Variants in S100A13 observed in about 807,000 individuals in gnomAD.
The protein encoded by S100A13 is protein S100-A13.
Under a neutral mutation model 8.2 loss-of-function variants are expected in S100A13, and 6 were observed. That is an observed-to-expected ratio of 0.73 (90% CI 0.40 to 1.44). S100A13 has a LOEUF of 1.44. Ranked by LOEUF, S100A13 falls within the 40% of genes most tolerant of loss-of-function variation. The pLI, the probability that S100A13 is intolerant of heterozygous loss-of-function variation, is 0.02. For synonymous variants in S100A13, 39 were observed against 45.9 expected, an observed-to-expected ratio of 0.85 and a Z score of 0.61; for missense variants, 114 against 113.6, an observed-to-expected ratio of 1.00 and a Z score of -0.02.
chr1:153,629,332 A>G (rs1342281973), upstream of S100A13: 1 of 152,176 alleles, frequency 6.6e-6, no homozygotes, highest in Non-Finnish European at 1.5e-5. Flanking sequence ...TGTCTCTGTG[A>G]CAACTGCTTC....
At chr1:153,631,234 C>A (rs1417189340), upstream of S100A13, 11 of 531,876 alleles carry the variant, frequency 2.1e-5, no homozygotes, top group Non-Finnish European at 3.7e-5. Context: ...AGTAAAGAAG[C>A]CTCAGGATAC....
chr1:153,621,947 A>G (rs1667285084), intron 2 of S100A13, among the ~76,000 whole-genome samples: 1 of 152,216 alleles, frequency 6.6e-6, no homozygotes, highest in African/African-American at 2.4e-5. Flanking sequence ...TCATTTTCAC[A>G]TCATAGATTA....
At chr1:153,631,214 A>G (rs1308188503), upstream of S100A13, 3 of 495,876 alleles carry the variant, frequency 6.0e-6, no homozygotes, top group East Asian at 3.4e-5. Context: ...AAGGCTAACC[A>G]GGGCCCCAAA....
At chr1:153,632,332 C>T, upstream of S100A13, 1 of 131,892 alleles carries the variant, frequency 7.6e-6, no homozygotes, top group Non-Finnish European at 1.5e-5. Flanking sequence ...AGGGCAGTGG[C>T]ACGATCTCGG....
chr1:153,628,862 TG>T, upstream of S100A13: 1 of 263,278 alleles, frequency 3.8e-6, no homozygotes, highest in Non-Finnish European at 7.4e-6. Flanking sequence ...CCTCGCCTCC[TG>T]TGGGGTAAGA....
chr1:153,630,496 T>C (rs915094634), upstream of S100A13: 1 of 1,612,498 alleles, frequency 6.2e-7, no homozygotes, highest in African/African-American at 1.3e-5. Context: ...ACTTCCATGA[T>C]GGGGGTGGGT....
chr1:153,629,071 T>G (rs185098776), upstream of S100A13: 1 of 152,276 alleles, frequency 6.6e-6, no homozygotes, highest in Non-Finnish European at 1.5e-5. Context: ...ACCTCCCCTT[T>G]CTCCTCCTCC....
chr1:153,619,131 C>A (rs1667076687), intron 2 of S100A13, 93 bp from the exon 3 acceptor site: 2 of 1,196,648 alleles, frequency 1.7e-6, no homozygotes. Flanking sequence ...TCTCTCAAGG[C>A]CCTTCCCTCA....
chr1:153,630,943 C>A, upstream of S100A13: 1 of 457,858 alleles, frequency 2.2e-6, no homozygotes. Context: ...TAAAAGTAAA[C>A]CATGAACTCC....
upstream of S100A13, chr1:153,631,648 G>A: frequency 6.2e-7 from 1 of 1,613,768 alleles, no homozygotes; most frequent in South Asian, 1.1e-5. Context: ...CTCTGACTCA[G>A]TGCTGTACCC....
intron 2 of S100A13, among the ~76,000 whole-genome samples, chr1:153,621,423 C>G (rs895553903): frequency 6.6e-6 from 1 of 151,772 alleles, no homozygotes; most frequent in African/African-American, 2.4e-5. Flanking sequence ...TCCAAAAGGT[C>G]TGGGATTACA....
intron 2 of S100A13, 112 bp from the exon 3 acceptor site, chr1:153,619,150 T>G: frequency 1.0e-6 from 1 of 960,462 alleles, no homozygotes; most frequent in Non-Finnish European, 1.6e-6. Context: ...CAGAGAGCAG[T>G]GGCACCTGCC....
intron 2 of S100A13, among the ~76,000 whole-genome samples, chr1:153,624,690 A>G (rs1056242794): frequency 2.6e-5 from 4 of 152,290 alleles, no homozygotes; most frequent in Admixed American, 2.6e-4. Context: ...TGTAATCCCA[A>G]CACTTTGGAA....
chr1:153,619,392 C>T (rs896515293), intron 2 of S100A13, among the ~76,000 whole-genome samples: 3 of 152,310 alleles, frequency 2.0e-5, no homozygotes, highest in South Asian at 2.1e-4. Context: ...GCTGTGGGAT[C>T]GGCCCAAGGA....
upstream of S100A13, among the ~76,000 whole-genome samples, chr1:153,633,329 AAC>A (rs1668138362): frequency 6.6e-6 from 1 of 152,170 alleles, no homozygotes; most frequent in Admixed American, 6.5e-5. Flanking sequence ...CAGCCTGGAC[AAC>A]AGAGCCAGAC....
At chr1:153,631,114 G>C (rs1364462612), upstream of S100A13, 1 of 304,714 alleles carries the variant, frequency 3.3e-6, no homozygotes, top group Non-Finnish European at 6.1e-6. Flanking sequence ...GGAGGTAACT[G>C]AATGAACAAA....
chr1:153,628,317 C>T (rs1667798093), upstream of S100A13: 1 of 1,516,062 alleles, frequency 6.6e-7, no homozygotes, highest in South Asian at 1.3e-5. Flanking sequence ...CAGAGGGCGC[C>T]TCTGTCTGCT....
At chr1:153,632,490 C>G (rs904510678), upstream of S100A13, among the ~76,000 whole-genome samples, 2 of 151,918 alleles carry the variant, frequency 1.3e-5, no homozygotes, top group Non-Finnish European at 2.9e-5. Flanking sequence ...CCAGGATGGT[C>G]TCGATCTCCT....
At chr1:153,631,952 ACCCCAC>A (rs1668040673), upstream of S100A13, 16 of 1,115,678 alleles carry the variant, frequency 1.4e-5, no homozygotes, top group Non-Finnish European at 1.6e-5. Flanking sequence ...ACCCTTGCCC[ACCCCAC>A]CCCCACCCCC....
Sources: gnomAD v4.1 joint callset for allele counts (sites outside exome capture counted in the v4.1 genomes callset) on GRCh38, gnomAD v4.1.1 for gene constraint, MANE v1.5 for transcripts, NCBI Gene and HGNC (gene_info 2026-07-23, HGNC 2026-07-21) for gene names.